The following GRM8 variants were observed in gnomAD, a reference collection of about 807,000 sequenced individuals.
The protein encoded by GRM8 is metabotropic glutamate receptor 8.
GRM8 carries 47 observed loss-of-function variants against 87.2 expected under a neutral mutation model. That is an observed-to-expected ratio of 0.54 (90% CI 0.43 to 0.69). The LOEUF is 0.69. Ranked by LOEUF, GRM8 falls within the 30% of genes least tolerant of loss-of-function variation. GRM8 has a pLI of 0.00. For synonymous variants in GRM8, 396 were observed against 404.5 expected, an observed-to-expected ratio of 0.98 and a Z score of 0.25; for missense variants, 1,019 against 1,139.2, an observed-to-expected ratio of 0.89 and a Z score of 1.52.
chr7:126,621,213 T>G (rs1257252994), intron 7 of GRM8, among the ~76,000 whole-genome samples: 1 of 152,142 alleles, frequency 6.6e-6, no homozygotes, highest in Non-Finnish European at 1.5e-5. Context: ...AATCATATAG[T>G]TTTATTATTT....
At chr7:126,440,295 C>T (rs1801314305) in intron 10 of GRM8, among the ~76,000 whole-genome samples, 1 of 150,450 alleles carries the variant, frequency 6.6e-6, no homozygotes, top group Non-Finnish European at 1.5e-5. Flanking sequence ...GCCTGTAATC[C>T]CAATTACTCA....
intron 7 of GRM8, among the ~76,000 whole-genome samples, chr7:126,629,073 T>A (rs571238602): frequency 5.3e-5 from 8 of 152,322 alleles, no homozygotes; most frequent in Admixed American, 3.9e-4. Context: ...TTCTTTAACT[T>A]TCGTGTAACT....
chr7:126,909,319 A>G (rs894307540), intron 3 of GRM8, among the ~76,000 whole-genome samples: 60 of 152,282 alleles, frequency 3.9e-4, no homozygotes, highest in African/African-American at 1.1e-3. Context: ...CCTCAAAGAT[A>G]CGTTTTCCAT....
intron 3 of GRM8, among the ~76,000 whole-genome samples, chr7:127,014,335 C>T (rs1419441): frequency 0.11 from 16,157 of 152,126 alleles, 1,091 homozygotes; most frequent in East Asian, 0.24. Context: ...GCTCCACCTG[C>T]GAAAGTGTCT....
At chr7:127,096,718 T>A (rs1824692486) in intron 3 of GRM8, among the ~76,000 whole-genome samples, 1 of 152,176 alleles carries the variant, frequency 6.6e-6, no homozygotes, top group African/African-American at 2.4e-5. Context: ...CAGATCCCTT[T>A]GCTACAATAT....
At chr7:126,585,995 A>T (rs1443082936) in intron 8 of GRM8, among the ~76,000 whole-genome samples, 1 of 152,178 alleles carries the variant, frequency 6.6e-6, no homozygotes, top group Non-Finnish European at 1.5e-5. Flanking sequence ...TCAGGATACA[A>T]AATCAATGTG....
At chr7:126,650,366 C>T (rs1367052951) in intron 7 of GRM8, among the ~76,000 whole-genome samples, 2 of 152,128 alleles carry the variant, frequency 1.3e-5, no homozygotes, top group South Asian at 2.1e-4. Flanking sequence ...ACCAGGGCCT[C>T]GTTCACAGAT....
chr7:127,073,930 C>T (rs1586922577), intron 3 of GRM8, among the ~76,000 whole-genome samples: 1 of 152,192 alleles, frequency 6.6e-6, no homozygotes, highest in Non-Finnish European at 1.5e-5. Context: ...GAAAATCCTT[C>T]TACAGACAAG....
At chr7:127,095,491 TAAG>T (rs1201697710) in intron 3 of GRM8, among the ~76,000 whole-genome samples, 1 of 152,130 alleles carries the variant, frequency 6.6e-6, no homozygotes, top group Non-Finnish European at 1.5e-5. Flanking sequence ...GAGGAAGAAA[TAAG>T]AACCGTCAAA....
At chr7:126,456,222 G>A (rs897848611) in intron 9 of GRM8, among the ~76,000 whole-genome samples, 1 of 151,332 alleles carries the variant, frequency 6.6e-6, no homozygotes. Flanking sequence ...CAGGACTCAG[G>A]GGACCAAGAT....
chr7:126,821,477 AG>A (rs1794295885), intron 6 of GRM8, among the ~76,000 whole-genome samples: 1 of 152,198 alleles, frequency 6.6e-6, no homozygotes, highest in Non-Finnish European at 1.5e-5. Flanking sequence ...AGTTACGAAC[AG>A]GGAATGAAAA....
intron 8 of GRM8, among the ~76,000 whole-genome samples, chr7:126,543,567 G>A (rs187401740): frequency 7.9e-4 from 121 of 152,212 alleles, no homozygotes; most frequent in Admixed American, 2.2e-3. Context: ...TGAATAGGTA[G>A]TGGTATCCTT....
intron 7 of GRM8, among the ~76,000 whole-genome samples, chr7:126,680,304 G>T (rs1040923707): frequency 6.6e-6 from 1 of 152,160 alleles, no homozygotes; most frequent in African/African-American, 2.4e-5. Flanking sequence ...TGACCAGCCT[G>T]CTCAACCTTC....
Position 126,444,796 on chromosome 7 carries a change from G to A in GRM8, c.2677+1330C>T, listed in dbSNP as rs1014048336. Among the ~76,000 whole-genome samples the A allele has an allele frequency of 3.9e-5, 6 of 152,042 alleles. No individual in the cohort carries two copies. In the East Asian group the frequency reaches 7.8e-4, roughly 20 times the overall value. On this transcript the variant is annotated intron_variant, in intron 10 of 10. Coordinates refer to ENST00000339582, the MANE Select transcript of GRM8 (RefSeq NM_000845.3). Reference sequence around the variant, plus strand: ...AGTGTCAAAAGTATGGAGAGTAGGGGATACAGACTGCTGGATGAATATGAG... The same window carrying A: ...AGTGTCAAAAGTATGGAGAGTAGGGAATACAGACTGCTGGATGAATATGAG...
At chr7:127,039,164 T>C (rs548487676) in intron 3 of GRM8, among the ~76,000 whole-genome samples, 1 of 152,350 alleles carries the variant, frequency 6.6e-6, no homozygotes, top group African/African-American at 2.4e-5. Flanking sequence ...AACATTCATA[T>C]GTTGAAGTTC....
At chr7:126,837,695 C>T (rs1193229990) in intron 6 of GRM8, among the ~76,000 whole-genome samples, 1 of 152,254 alleles carries the variant, frequency 6.6e-6, no homozygotes, top group African/African-American at 2.4e-5. Flanking sequence ...CCTTAACCCA[C>T]TGGCCTAACG....
At chr7:126,655,471 T>TTC (rs150555462) in intron 7 of GRM8, among the ~76,000 whole-genome samples, 22,584 of 150,192 alleles carry the variant, frequency 0.15, 1,990 homozygotes, top group Non-Finnish European at 0.19. Context: ...ATTATGGTCT[T>TTC]TCTCTCTCTC....
chr7:126,933,289 C>G (rs1484040580), intron 3 of GRM8, among the ~76,000 whole-genome samples: 4 of 152,182 alleles, frequency 2.6e-5, no homozygotes, highest in Non-Finnish European at 4.4e-5. Context: ...TTAGGTTGTA[C>G]AGTCAGGTGC....
At chr7:126,808,832 T>C (rs1793024382) in intron 6 of GRM8, among the ~76,000 whole-genome samples, 1 of 152,216 alleles carries the variant, frequency 6.6e-6, no homozygotes, top group African/African-American at 2.4e-5. Flanking sequence ...TGCTCTGGTA[T>C]GTCTTTGCCT....
Sources: allele counts gnomAD v4.1 joint callset (sites outside exome capture counted in the v4.1 genomes callset), GRCh38; gene constraint gnomAD v4.1.1; transcripts MANE v1.5; gene names NCBI Gene and HGNC (gene_info 2026-07-23, HGNC 2026-07-21).